The following GNAI3 variants were observed in gnomAD, a reference collection of about 807,000 sequenced individuals.
GNAI3 encodes guanine nucleotide-binding protein G(i) subunit alpha-3.
In GNAI3, 12 loss-of-function variants were observed where a neutral mutation model predicts 41.8. The ratio of observed to expected loss-of-function variants is 0.29; its 90% CI spans 0.18 to 0.47. GNAI3 has a LOEUF of 0.47. GNAI3 is among the 20% of genes least tolerant of loss of function. The pLI is 1.00. For synonymous variants in GNAI3, 132 were observed against 146.5 expected (o/e 0.90, Z 0.71); for missense variants, 360 against 429.6 (o/e 0.84, Z 1.43).
Position 109,558,369 on chromosome 1 carries a change from G to A in GNAI3, c.118+9531G>A, listed in dbSNP as rs543262388. On this transcript the variant is annotated intron_variant, in intron 1 of 8. Coordinates refer to ENST00000369851, the MANE Select transcript of GNAI3 (RefSeq NM_006496.4). ...ACCTGGGAGGCGGACGTTGCAGTCA[G>A]CTGAGGTGGAATGACTGCACTCTAG... 2.3e-3 allele frequency among the ~76,000 whole-genome samples: 351 copies of A among 152,246 alleles called. 3 individuals are homozygous for A. Among genetic ancestry groups the A allele is most frequent in the African/African-American group, 8.2e-3 (340 of 41,552 alleles).
intron 1 of GNAI3, among the ~76,000 whole-genome samples, chr1:109,561,942 C>T (rs1648322833): frequency 6.6e-6 from 1 of 152,024 alleles, no homozygotes; most frequent in Non-Finnish European, 1.5e-5. Context: ...CACAAAGACT[C>T]AGAACATGAG....
At chr1:109,571,990 C>T (rs573547734) in intron 1 of GNAI3, among the ~76,000 whole-genome samples, 7 of 152,066 alleles carry the variant, frequency 4.6e-5, no homozygotes, top group Non-Finnish European at 7.4e-5. Context: ...AAGGAGGGAC[C>T]CCTGAAGCAA....
intron 3 of GNAI3, among the ~76,000 whole-genome samples, chr1:109,575,810 G>A (rs1006186982): frequency 3.3e-5 from 5 of 151,994 alleles, no homozygotes; most frequent in African/African-American, 1.2e-4. Flanking sequence ...GATTATAGGC[G>A]TGAGCCACCG....
chr1:109,565,115 T>A (rs975505188), intron 1 of GNAI3, among the ~76,000 whole-genome samples: 3 of 151,940 alleles, frequency 2.0e-5, no homozygotes, highest in East Asian at 3.9e-4. Context: ...ACAAAAAAAA[T>A]CGACCTGGCG....
chr1:109,548,764 G>A lies in GNAI3; in HGVS notation c.44G>A (p.Arg15Gln), dbSNP rs1157917891. 6.2e-7 allele frequency: 1 copy of A among 1,613,694 alleles called. No homozygotes were observed. The highest frequency in any genetic ancestry group is 1.3e-5 in the African/African-American group (1 of 75,042). Residue 15 changes from arginine to glutamine, a missense_variant, in exon 1 of 9, where the codon CGA (arginine) becomes CAA (glutamine). Arg to Gln is a conservative substitution (Grantham distance 43). Coordinates refer to ENST00000369851, the MANE Select transcript of GNAI3 (RefSeq NM_006496.4). ...GCCGAAGACAAGGCGGCAGTGGAGCGAAGCAAGATGATCGACCGCAACTTA... is the reference window on the plus strand; with the variant it reads ...GCCGAAGACAAGGCGGCAGTGGAGCAAAGCAAGATGATCGACCGCAACTTA... Reference protein sequence around the residue: ...LSAEDKAAVERSKMIDRNLRE... With the variant: ...LSAEDKAAVEQSKMIDRNLRE...
At chr1:109,548,932 C>A in intron 1 of GNAI3, 94 bp downstream of exon 1, 1 of 812,672 alleles carries the variant, frequency 1.2e-6, no homozygotes. Flanking sequence ...CGGAAAGGAC[C>A]CTAAAGGGAT....
At position 109,565,685 on chromosome 1, in the gene GNAI3, G is replaced by A. The variant is rs149762771; in HGVS notation, c.119-8052G>A. On this transcript the variant is annotated intron_variant, in intron 1 of 8. Transcript: ENST00000369851. ...TAGATTTTGCTCTAGATTGGCGGGGGGTGCACAAAAAGAAATAGCAATTTT... is the reference window on the plus strand; with the variant it reads ...TAGATTTTGCTCTAGATTGGCGGGGAGTGCACAAAAAGAAATAGCAATTTT... Among the ~76,000 whole-genome samples, 1,124 of 152,212 alleles carry A rather than the reference G, an allele frequency of 7.4e-3. 10 individuals carry two copies. Among genetic ancestry groups the A allele is most frequent in the Non-Finnish European group, 9.5e-3 (647 of 68,018 alleles).
rs1398574190 is a variant in GNAI3, at chr1:109,594,271, A to T, written c.*1949A>T. 1 of 152,176 alleles carries T rather than the reference A, an allele frequency of 6.6e-6. No individual in the cohort carries two copies. The highest frequency in any genetic ancestry group is 2.4e-5 in the African/African-American group (1 of 41,440). The allele number at this position is 152,176 out of a possible 1,614,324, so 9.4% of individuals were successfully genotyped here. A position where few individuals can be genotyped will look rare whatever the true frequency, so the allele number is the denominator to read the frequency against. ...GAGACCTGGTGGAATATTATTTTCA[A>T]CTGTAGTCTTTCTATACTGTGGACT... On this transcript the variant is annotated 3_prime_UTR_variant, in exon 9 of 9. Transcript: ENST00000369851.
At position 109,573,964 on chromosome 1, in the gene GNAI3, C is replaced by A; in HGVS notation, c.230C>A (p.Thr77Asn). ...TATAAAGTAGTTGTCTACAGCAATA[C>A]TATACAGTCCATCATTGCAATCATA... ...KQYKVVVYSN[T>N]IQSIIAIIRA... Residue 77 changes from threonine (T) to asparagine (N), a missense_variant, in exon 3 of 9, where the codon ACT becomes AAT. Coordinates refer to ENST00000369851, the MANE Select transcript of GNAI3 (RefSeq NM_006496.4). 6.2e-7 allele frequency: 1 copy of A among 1,604,752 alleles called. No homozygotes were observed. The highest frequency in any genetic ancestry group is 8.5e-7 in the Non-Finnish European group (1 of 1,171,536).
rs1405347838 is a variant in GNAI3 at position 109,593,595 on chromosome 1, CT to C, written c.*1276del. On this transcript the variant is annotated 3_prime_UTR_variant, in exon 9 of 9. Transcript: ENST00000369851. ...TTGCCTTTGCAGAATGTGCTTTAGCCTTTGTCTGAGAATGGGTTTAGGTAGA... is the reference window on the plus strand; with the variant it reads ...TTGCCTTTGCAGAATGTGCTTTAGCCTTGTCTGAGAATGGGTTTAGGTAGA... The C allele has an allele frequency of 6.6e-6, 1 of 152,532 alleles. No individual in the cohort carries two copies. The highest frequency in any genetic ancestry group is 1.5e-5 in the Non-Finnish European group (1 of 68,026). 9.4% of individuals were successfully genotyped at this position (152,532 alleles called of 1,614,324 possible).
At position 109,566,979 on chromosome 1, in the gene GNAI3, C is replaced by A. The variant is rs1648474332; in HGVS notation, c.119-6758C>A. On this transcript the variant is annotated intron_variant, in intron 1 of 8. Coordinates refer to ENST00000369851, the MANE Select transcript of GNAI3 (RefSeq NM_006496.4). The stretch of plus-strand genomic sequence containing the variant: ...CTATTGGAAATAGAATGGACTTACT[C>A]CTATGATCTTTAGTTGTAGATACTC... Among the ~76,000 whole-genome samples the A allele has an allele frequency of 2.6e-5, 4 of 152,150 alleles. No individual in the cohort carries two copies. The South Asian group carries it at 8.3e-4, about 32-fold the overall frequency.
intron 1 of GNAI3, among the ~76,000 whole-genome samples, chr1:109,565,536 A>G (rs773616188): frequency 6.6e-6 from 1 of 152,180 alleles, no homozygotes; most frequent in African/African-American, 2.4e-5. Flanking sequence ...TCTGTTAACT[A>G]CCTACGTTGA....
chr1:109,590,426 T>C (rs72987045), intron 7 of GNAI3, among the ~76,000 whole-genome samples: 8,547 of 152,278 alleles, frequency 0.056, 790 homozygotes, highest in African/African-American at 0.19. Context: ...CCAGGTATTA[T>C]TATCTGTTCC....
intron 1 of GNAI3, among the ~76,000 whole-genome samples, chr1:109,554,498 T>G (rs1371529273): frequency 6.6e-6 from 1 of 152,238 alleles, no homozygotes; most frequent in African/African-American, 2.4e-5. Context: ...TTTCGTAAGT[T>G]TGCTGGCCAT....
chr1:109,581,679 G>C (rs549775780), intron 4 of GNAI3, among the ~76,000 whole-genome samples: 1 of 152,212 alleles, frequency 6.6e-6, no homozygotes, highest in South Asian at 2.1e-4. Context: ...CCTGAGGTCA[G>C]GAGTTTGAGA....
At chr1:109,561,017 A>G (rs540329564) in intron 1 of GNAI3, among the ~76,000 whole-genome samples, 2 of 152,350 alleles carry the variant, frequency 1.3e-5, no homozygotes, top group East Asian at 3.9e-4. Context: ...TTCGTTTGAT[A>G]TAATGATAAA....
At chr1:109,587,377 A>C (rs975682092) in intron 7 of GNAI3, among the ~76,000 whole-genome samples, 1 of 152,246 alleles carries the variant, frequency 6.6e-6, no homozygotes, top group African/African-American at 2.4e-5. Flanking sequence ...ATAGTGTTTA[A>C]TTGCACATAA....
chr1:109,551,550 A>G (rs1647982842), intron 1 of GNAI3, among the ~76,000 whole-genome samples: 1 of 152,066 alleles, frequency 6.6e-6, no homozygotes, highest in Admixed American at 6.5e-5. Flanking sequence ...CCTAATTCCC[A>G]TTTACTAGTT....
intron 4 of GNAI3, 115 bp from the exon 5 acceptor site, chr1:109,582,322 T>C: frequency 1.5e-6 from 1 of 685,480 alleles, no homozygotes. Context: ...GATCTGATTC[T>C]GTTTTGCCAC....
Sources: allele counts gnomAD v4.1 joint callset (sites outside exome capture counted in the v4.1 genomes callset), GRCh38; gene constraint gnomAD v4.1.1; transcripts MANE v1.5; gene names NCBI Gene and HGNC (gene_info 2026-07-23, HGNC 2026-07-21).